PIWIL2: variants seen among roughly 807,000 people sequenced by gnomAD.
The protein encoded by PIWIL2 is piwi like RNA-mediated gene silencing 2, also known as piwi-like protein 2.
PIWIL2 carries 81 observed loss-of-function variants against 116.5 expected under a neutral mutation model. The observed-to-expected ratio is 0.70, with a 90% CI of 0.58 to 0.84. The LOEUF is 0.84. Ranked by LOEUF, PIWIL2 falls within the 40% of genes least tolerant of loss-of-function variation. The pLI, the probability that PIWIL2 is intolerant of heterozygous loss-of-function variation, is 0.00. For missense variants in PIWIL2, 1,272 were observed against 1,212.3 expected (o/e 1.05, Z -0.73); for synonymous variants, 489 against 429.5 (o/e 1.14, Z -1.71).
rs994892334 is a variant in PIWIL2, at chr8:22,275,350, C to T, written c.-95C>T. ...GGGGCGTGGGTTGAGCTCGGTCTTC[C>T]CCTGAGGCCGCGCGGAGCTGGGCGA... On this transcript the variant is annotated 5_prime_UTR_variant, in exon 1 of 23. Transcript: ENST00000356766. The T allele has an allele frequency of 7.4e-6, 1 of 135,722 alleles. No homozygotes were observed. The highest frequency in any genetic ancestry group is 2.4e-5 in the African/African-American group (1 of 41,246). The allele number at this position is 135,722 out of a possible 1,614,324, so 8.4% of individuals were successfully genotyped here.
chr8:22,338,634 G>T (rs1055714711), intron 20 of PIWIL2, among the ~76,000 whole-genome samples: 2 of 152,020 alleles, frequency 1.3e-5, no homozygotes, highest in African/African-American at 4.8e-5. Flanking sequence ...AGAGGTTGCT[G>T]TGAGCCAACA....
chr8:22,278,263 A>G (rs1306416400), intron 1 of PIWIL2, among the ~76,000 whole-genome samples: 3 of 152,132 alleles, frequency 2.0e-5, no homozygotes, highest in African/African-American at 7.2e-5. Context: ...GCTCACACCT[A>G]TTATCCCAGC....
intron 13 of PIWIL2, among the ~76,000 whole-genome samples, chr8:22,307,473 A>ATTT (rs56755716): frequency 6.3e-5 from 7 of 111,240 alleles, no homozygotes; most frequent in Non-Finnish European, 1.0e-4. Flanking sequence ...TTTATTATTC[A>ATTT]TTTTTTTTTT....
Position 22,353,210 on chromosome 8 carries a change from G to A in PIWIL2, c.2655G>A (p.Glu885=), listed in dbSNP as rs763294847. Residue 885 remains glutamate, a splice_region_variant and synonymous_variant, in exon 21 of 23, where the codon GAG becomes GAA. Coordinates refer to ENST00000356766, the MANE Select transcript of PIWIL2 (RefSeq NM_018068.5). ...TAGATCATACAATAACAAGCTGTGA[G>A]TGGTAAGTGAGCAAAATATGTAGTA... ...TVVDHTITSC[E]WVDFYLLAHH... 5.6e-6 allele frequency: 9 copies of A among 1,609,128 alleles called. No homozygotes were observed. The Admixed American group carries it at 1.5e-4, about 27-fold the overall frequency.
chr8:22,279,914 G>A (rs537218974), intron 2 of PIWIL2, among the ~76,000 whole-genome samples: 46 of 152,300 alleles, frequency 3.0e-4, no homozygotes, highest in African/African-American at 1.0e-3. Context: ...CTGAGATCTC[G>A]CCAGTGCACT....
intron 18 of PIWIL2, 108 bp from the exon 19 acceptor site, chr8:22,316,137 G>A (rs1353890995): frequency 3.1e-6 from 2 of 647,490 alleles, no homozygotes; most frequent in African/African-American, 1.8e-5. Context: ...TTACTTTCAT[G>A]TATAAACAGT....
chr8:22,307,989 C>G lies in PIWIL2; in HGVS notation c.1602C>G (p.Cys534Trp), dbSNP rs777262151. 2 of 1,613,546 alleles carry G rather than the reference C, an allele frequency of 1.2e-6. No homozygotes were observed. The highest frequency in any genetic ancestry group is 1.1e-5 in the South Asian group (1 of 90,988). Residue 534 changes from cysteine to tryptophan, a missense_variant, in exon 14 of 23, where the codon TGC becomes TGG. By Grantham distance (215) the Cys-to-Trp change is radical. Transcript: ENST00000356766. Reference sequence around the variant, plus strand: ...AGCAACACCATAGTGCTTTGGAATGCTTGCTGCAAAGAATTGCAAAGAACG... The same window carrying G: ...AGCAACACCATAGTGCTTTGGAATGGTTGCTGCAAAGAATTGCAAAGAACG... ...SPKQHHSALE[C>W]LLQRIAKNEA...
intron 20 of PIWIL2, among the ~76,000 whole-genome samples, chr8:22,323,201 G>T (rs1397901606): frequency 7.0e-6 from 1 of 143,660 alleles, no homozygotes; most frequent in African/African-American, 2.7e-5. Context: ...AGGCTGGAGT[G>T]CAGTGGCACA....
intron 6 of PIWIL2, 37 bp downstream of exon 6, chr8:22,284,309 AAGGGC>A (rs942050015): frequency 9.3e-7 from 1 of 1,077,022 alleles, no homozygotes; most frequent in Non-Finnish European, 1.4e-6. Flanking sequence ...TCACTTCTTA[AAGGGC>A]AGTAAAAAAA....
intron 10 of PIWIL2, among the ~76,000 whole-genome samples, chr8:22,299,157 A>C (rs11785928): frequency 6.8e-6 from 1 of 147,072 alleles, no homozygotes; most frequent in Non-Finnish European, 1.5e-5. Flanking sequence ...TTCATAAAGA[A>C]TTTTCTAAAA....
intron 13 of PIWIL2, among the ~76,000 whole-genome samples, chr8:22,307,487 T>A (rs1190431025): frequency 6.8e-6 from 1 of 146,352 alleles, no homozygotes; most frequent in Non-Finnish European, 1.5e-5. Flanking sequence ...TTTTTTTTTT[T>A]TTTTTTTTTT....
At chr8:22,294,438 G>A (rs928855037) in intron 10 of PIWIL2, among the ~76,000 whole-genome samples, 4 of 147,670 alleles carry the variant, frequency 2.7e-5, no homozygotes, top group South Asian at 2.2e-4. Context: ...TCAGGCGATC[G>A]AGACCATCCT....
At chr8:22,355,136 A>T (rs1832461424) in intron 22 of PIWIL2, among the ~76,000 whole-genome samples, 1 of 152,040 alleles carries the variant, frequency 6.6e-6, no homozygotes, top group African/African-American at 2.4e-5. Flanking sequence ...AATTGAGAAG[A>T]TTTACCCATG....
Position 22,283,253 on chromosome 8 carries a change from C to T in PIWIL2, c.632+13C>T. The T allele has an allele frequency of 3.2e-6, 5 of 1,580,588 alleles. No homozygotes were observed. Among genetic ancestry groups the T allele is most frequent in the Non-Finnish European group, 4.3e-6 (5 of 1,150,000 alleles). On this transcript the variant is annotated intron_variant, in intron 5 of 22. Coordinates refer to ENST00000356766, the MANE Select transcript of PIWIL2 (RefSeq NM_018068.5). ...AACACAAGGAAAAGTAAGTCAGGAG[C>T]ACTGCCTTCTCTACTTAGTAATGAT...
chr8:22,278,166 C>CT (rs1357450281), intron 1 of PIWIL2, among the ~76,000 whole-genome samples: 2 of 147,230 alleles, frequency 1.4e-5, no homozygotes, highest in African/African-American at 5.0e-5. Context: ...GAAACTCCGT[C>CT]TAAAAAAAAA....
chr8:22,299,635 A>C (rs995010568), intron 10 of PIWIL2, among the ~76,000 whole-genome samples: 2 of 152,220 alleles, frequency 1.3e-5, no homozygotes, highest in South Asian at 2.1e-4. Flanking sequence ...GTAAAGGTAC[A>C]ATTGACATCC....
intron 20 of PIWIL2, among the ~76,000 whole-genome samples, chr8:22,332,815 T>C (rs189171564): frequency 1.3e-5 from 2 of 152,222 alleles, no homozygotes; most frequent in African/African-American, 4.8e-5. Context: ...ACCAGCTGAC[T>C]TACACTGAAG....
chr8:22,321,208 A>G (rs934475454), intron 20 of PIWIL2, among the ~76,000 whole-genome samples: 6 of 150,738 alleles, frequency 4.0e-5, no homozygotes, highest in Non-Finnish European at 8.9e-5. Context: ...TTTTTTTGAG[A>G]CAGGTTCTTG....
chr8:22,292,782 T>C (rs1410794834), intron 10 of PIWIL2, among the ~76,000 whole-genome samples: 2 of 152,234 alleles, frequency 1.3e-5, no homozygotes, highest in African/African-American at 4.8e-5. Flanking sequence ...TTGTAAAGGT[T>C]AAAGCAGAGG....
Sources: allele counts gnomAD v4.1 joint callset (sites outside exome capture counted in the v4.1 genomes callset), GRCh38; gene constraint gnomAD v4.1.1; transcripts MANE v1.5; gene names NCBI Gene and HGNC (gene_info 2026-07-23, HGNC 2026-07-21).